Variants in AUTS2 observed in about 807,000 individuals in gnomAD.
AUTS2 encodes activator of transcription and developmental regulator AUTS2.
In AUTS2, 17 loss-of-function variants were observed where a neutral mutation model predicts 112.4. The ratio of observed to expected loss-of-function variants is 0.15; its 90% CI spans 0.10 to 0.23. The LOEUF (loss-of-function observed/expected upper bound fraction) is 0.23. Among genes scored for constraint, AUTS2 ranks in the 10% least tolerant of loss-of-function variants. The pLI is 1.00. For missense variants in AUTS2, 1,510 were observed against 1,701.6 expected (o/e 0.89, Z 1.98); for synonymous variants, 751 against 702.7 (o/e 1.07, Z -1.09).
At chr7:70,566,710 C>A (rs1801723096) in intron 5 of AUTS2, among the ~76,000 whole-genome samples, 1 of 152,122 alleles carries the variant, frequency 6.6e-6, no homozygotes, top group Non-Finnish European at 1.5e-5. Flanking sequence ...AAGGAATACT[C>A]CTCCAGTGAA....
intron 4 of AUTS2, among the ~76,000 whole-genome samples, chr7:70,315,632 C>T (rs1585009085): frequency 6.6e-6 from 1 of 152,140 alleles, no homozygotes; most frequent in East Asian, 1.9e-4. Context: ...AAATAACTAT[C>T]CCTTTTTCCC....
chr7:69,916,451 A>C (rs373202572), intron 2 of AUTS2, among the ~76,000 whole-genome samples: 12 of 152,210 alleles, frequency 7.9e-5, no homozygotes, highest in Non-Finnish European at 1.6e-4. Context: ...TTCCATTTAA[A>C]TGTTTAACCC....
At chr7:70,024,726 G>A (rs1800435591) in intron 2 of AUTS2, among the ~76,000 whole-genome samples, 1 of 152,032 alleles carries the variant, frequency 6.6e-6, no homozygotes, top group African/African-American at 2.4e-5. Flanking sequence ...AAATCTGTAG[G>A]GCAAGCAGTA....
At chr7:69,718,554 C>A (rs191718132) in intron 1 of AUTS2, among the ~76,000 whole-genome samples, 1 of 152,294 alleles carries the variant, frequency 6.6e-6, no homozygotes, top group Non-Finnish European at 1.5e-5. Context: ...TCCATAGTTA[C>A]ATCTTCCTCT....
At chr7:70,439,796 A>G (rs1236267879) in intron 5 of AUTS2, among the ~76,000 whole-genome samples, 1 of 152,178 alleles carries the variant, frequency 6.6e-6, no homozygotes, top group African/African-American at 2.4e-5. Context: ...TTCTTTCTCC[A>G]GTACTGGCAG....
At chr7:69,840,542 G>A (rs1281392296) in intron 1 of AUTS2, among the ~76,000 whole-genome samples, 1 of 152,126 alleles carries the variant, frequency 6.6e-6, no homozygotes, top group Non-Finnish European at 1.5e-5. Context: ...AAGAACACTG[G>A]GCTTCACAGG....
At chr7:70,699,490 C>T (rs1486232019) in intron 6 of AUTS2, 4 of 152,150 alleles carry the variant, frequency 2.6e-5, no homozygotes, top group African/African-American at 9.7e-5. Flanking sequence ...CCATTTCAGC[C>T]TTCTGTAGTT....
intron 4 of AUTS2, among the ~76,000 whole-genome samples, chr7:70,176,990 CAAG>C (rs1468199515): frequency 6.6e-6 from 1 of 152,152 alleles, no homozygotes; most frequent in Admixed American, 6.5e-5. Context: ...AGTTACAGAA[CAAG>C]AAGTATCATG....
At chr7:69,860,101 G>A (rs1327230962) in intron 1 of AUTS2, among the ~76,000 whole-genome samples, 1 of 151,958 alleles carries the variant, frequency 6.6e-6, no homozygotes, top group East Asian at 1.9e-4. Context: ...TGAATCAGGA[G>A]GACAAAGAGC....
chr7:69,638,291 C>CA lies in AUTS2; in HGVS notation c.309+38330dup. Among the ~76,000 whole-genome samples the CA allele has an allele frequency of 2.0e-5, 3 of 152,326 alleles. No homozygotes were observed. The Middle Eastern group carries it at 0.01, about 518-fold the overall frequency. ...CTCAGCCTCCCAAGTGCTGGGACTA[C>CA]AGGCGTGAGCCACTGTGCTTAGCCC... On this transcript the variant is annotated intron_variant, in intron 1 of 18. Coordinates refer to ENST00000342771, the MANE Select transcript of AUTS2 (RefSeq NM_015570.4).
rs982461324 is a variant in AUTS2, at chr7:70,775,489, A to G, written c.1932+103A>G. On this transcript the variant is annotated intron_variant, in intron 13 of 18. Transcript: ENST00000342771. ...GGAAATAAGCCATAGAAATGTTGGAATAAGACATTGGAATGACGGTGATTG... is the reference window on the plus strand; with the variant it reads ...GGAAATAAGCCATAGAAATGTTGGAGTAAGACATTGGAATGACGGTGATTG... 7.4e-6 allele frequency: 7 copies of G among 942,264 alleles called. No individual in the cohort carries two copies. The African/African-American group carries it at 8.3e-5, about 11-fold the overall frequency. 58.4% of individuals were successfully genotyped at this position (942,264 alleles called of 1,614,324 possible). A position where few individuals can be genotyped will look rare whatever the true frequency, so the allele number is the denominator to read the frequency against.
intron 5 of AUTS2, among the ~76,000 whole-genome samples, chr7:70,468,580 A>G (rs1291298689): frequency 6.6e-6 from 1 of 152,216 alleles, no homozygotes; most frequent in Non-Finnish European, 1.5e-5. Flanking sequence ...AAGGTGGGAC[A>G]TCAGGAGAGA....
intron 11 of AUTS2, among the ~76,000 whole-genome samples, chr7:70,771,979 A>G (rs994468010): frequency 1.3e-5 from 2 of 152,204 alleles, no homozygotes; most frequent in African/African-American, 4.8e-5. Context: ...TATCAGACAC[A>G]TGTGCGCCAG....
chr7:70,670,383 G>A (rs1384266927), intron 5 of AUTS2, among the ~76,000 whole-genome samples: 1 of 152,162 alleles, frequency 6.6e-6, no homozygotes, highest in East Asian at 1.9e-4. Context: ...GCATGTGTCA[G>A]AAAACAGAAA....
intron 5 of AUTS2, among the ~76,000 whole-genome samples, chr7:70,502,732 C>G (rs1352264982): frequency 6.6e-6 from 1 of 152,212 alleles, no homozygotes; most frequent in Non-Finnish European, 1.5e-5. Flanking sequence ...TAACTTCCTA[C>G]CTGGTTGTAA....
chr7:69,963,721 C>CA (rs1247677185), intron 2 of AUTS2, among the ~76,000 whole-genome samples: 4 of 152,072 alleles, frequency 2.6e-5, no homozygotes, highest in Non-Finnish European at 5.9e-5. Flanking sequence ...GATTACCCTC[C>CA]GTTTACAGAT....
At chr7:70,162,186 C>G (rs1157857472) in intron 4 of AUTS2, among the ~76,000 whole-genome samples, 1 of 151,938 alleles carries the variant, frequency 6.6e-6, no homozygotes, top group Non-Finnish European at 1.5e-5. Context: ...GTGGCTCACG[C>G]CTGTAATCCC....
chr7:70,074,736 A>G (rs1329223860), intron 2 of AUTS2, among the ~76,000 whole-genome samples: 1 of 152,152 alleles, frequency 6.6e-6, no homozygotes, highest in Non-Finnish European at 1.5e-5. Flanking sequence ...GTAGAAAATG[A>G]TATTATTGTA....
At chr7:69,606,270 A>G (rs181630511) in intron 1 of AUTS2, among the ~76,000 whole-genome samples, 40 of 152,294 alleles carry the variant, frequency 2.6e-4, no homozygotes, top group Non-Finnish European at 4.9e-4. Context: ...AATGGTGATT[A>G]TTTAGTTTTA....
Sources: gnomAD v4.1 joint callset for allele counts (sites outside exome capture counted in the v4.1 genomes callset) on GRCh38, gnomAD v4.1.1 for gene constraint, MANE v1.5 for transcripts, NCBI Gene and HGNC (gene_info 2026-07-23, HGNC 2026-07-21) for gene names.